The following GALNT16 variants were observed in gnomAD, a reference collection of about 807,000 sequenced individuals.
The protein encoded by GALNT16 is polypeptide N-acetylgalactosaminyltransferase 16.
GALNT16 carries 40 observed loss-of-function variants against 76.1 expected under a neutral mutation model. The ratio of observed to expected loss-of-function variants is 0.53; its 90% CI spans 0.41 to 0.68. The LOEUF is 0.68. Ranked by LOEUF, GALNT16 falls within the 30% of genes least tolerant of loss-of-function variation. The pLI, the probability that GALNT16 is intolerant of heterozygous loss-of-function variation, is 0.00. For synonymous variants in GALNT16, 276 were observed against 285.2 expected (o/e 0.97, Z 0.32); for missense variants, 621 against 731.9 (o/e 0.85, Z 1.75).
rs1239622713 is a variant in GALNT16, at chr14:69,285,038, C to CTTT, written c.177+24572_177+24573insTTT. Among the ~76,000 whole-genome samples, 1,271 of 130,318 alleles carry CTTT rather than the reference C, an allele frequency of 9.8e-3. 86 individuals carry two copies. Among genetic ancestry groups the CTTT allele is most frequent in the African/African-American group, 0.013 (476 of 35,688 alleles). 85.5% of individuals were successfully genotyped at this position (130,318 alleles called of 152,430 possible). A position where few individuals can be genotyped will look rare whatever the true frequency, so the allele number is the denominator to read the frequency against. ...TTTATATGTTACCCAGTCTCGGGCA[C>CTTT]TCTTTTTTTTTTTTTTTTTTGAGAC... On this transcript the variant is annotated intron_variant, in intron 1 of 14. Transcript: ENST00000448469.
chr14:69,322,138 C>T (rs552237097), intron 2 of GALNT16, among the ~76,000 whole-genome samples: 20 of 152,342 alleles, frequency 1.3e-4, no homozygotes, highest in East Asian at 9.6e-4. Flanking sequence ...TGTCCTGTAA[C>T]GCCAGCACTG....
intron 1 of GALNT16, among the ~76,000 whole-genome samples, chr14:69,285,333 T>C (rs1442907999): frequency 6.6e-6 from 1 of 152,126 alleles, no homozygotes; most frequent in African/African-American, 2.4e-5. Flanking sequence ...CTGGGGCAGT[T>C]CTTTATAGCA....
At chr14:69,303,690 A>T (rs2044886971) in intron 1 of GALNT16, among the ~76,000 whole-genome samples, 1 of 152,176 alleles carries the variant, frequency 6.6e-6, no homozygotes, top group African/African-American at 2.4e-5. Context: ...AGTTTTCAGT[A>T]TACCCTTCCT....
Position 69,326,033 on chromosome 14 carries a change from T to A in GALNT16, c.568+6T>A. On this transcript the variant is annotated splice_donor_region_variant and intron_variant, in intron 5 of 14. Coordinates refer to ENST00000448469, the MANE Select transcript of GALNT16 (RefSeq NM_001168368.2). ...GCGCAATGATCGGCGGGAAGGTGAG[T>A]CCTTGCACCCTGGGTCCCACCAAGG... The A allele has an allele frequency of 6.2e-7, 1 of 1,611,218 alleles. No individual in the cohort carries two copies. The highest frequency in any genetic ancestry group is 8.5e-7 in the Non-Finnish European group (1 of 1,177,636).
In GALNT16 at chr14:69,261,352, G is replaced by T. The variant is rs1283536944; in HGVS notation, c.177+885G>T. 6.6e-6 allele frequency among the ~76,000 whole-genome samples: 1 copy of T among 152,202 alleles called. No homozygotes were observed. On this transcript the variant is annotated intron_variant, in intron 1 of 14. Transcript: ENST00000448469. This position sits in a 1 kb window ranked among gnomAD's most constrained non-coding sequence, Gnocchi z 6.4. Reference sequence around the variant, plus strand: ...CAGGTGACAGAGCTGTGCGTGGCCAGGCAGGGGCACCTGTTGAGGCGGGAG... The same window carrying T: ...CAGGTGACAGAGCTGTGCGTGGCCATGCAGGGGCACCTGTTGAGGCGGGAG...
At chr14:69,302,920 T>G (rs530477541) in intron 1 of GALNT16, among the ~76,000 whole-genome samples, 1 of 152,326 alleles carries the variant, frequency 6.6e-6, no homozygotes, top group East Asian at 1.9e-4. Flanking sequence ...AAATTTTAAT[T>G]TAACTGGGTA....
At chr14:69,310,054 G>T (rs1245073664) in intron 1 of GALNT16, among the ~76,000 whole-genome samples, 1 of 152,064 alleles carries the variant, frequency 6.6e-6, no homozygotes, top group Non-Finnish European at 1.5e-5. Context: ...ACTGCCATTT[G>T]AAGTACAAGT....
the GALNT16 span, among the ~76,000 whole-genome samples, chr14:69,373,149 C>G: frequency 1.3e-5 from 2 of 152,354 alleles, no homozygotes; most frequent in East Asian, 3.9e-4. Flanking sequence ...CTCAACTATA[C>G]TCTTTTTCTC....
At position 69,341,772 on chromosome 14, in the gene GALNT16, C is replaced by T. The variant is rs1171968057; in HGVS notation, c.1271+8C>T. ...CGTCTACCCAGAGCTCACGTGAGTG[C>T]AGCCCTCATCTTGTGCATCCCCCAG... On this transcript the variant is annotated splice_region_variant and intron_variant, in intron 12 of 14. Coordinates refer to ENST00000448469, the MANE Select transcript of GALNT16 (RefSeq NM_001168368.2). 2.5e-6 allele frequency: 4 copies of T among 1,600,076 alleles called. No homozygotes were observed. The highest frequency in any genetic ancestry group is 1.1e-5 in the South Asian group (1 of 90,278).
chr14:69,380,514 AC>A, the GALNT16 span: 183 of 1,218,442 alleles, frequency 1.5e-4, 2 homozygotes, highest in South Asian at 1.1e-3. Flanking sequence ...GCCCACCCCA[AC>A]CCCCCCAGTG....
At chr14:69,339,698 C>T (rs562472160) in intron 11 of GALNT16, 79 bp downstream of exon 11, 37 of 857,010 alleles carry the variant, frequency 4.3e-5, no homozygotes, top group Non-Finnish European at 5.4e-5. Flanking sequence ...GTGGTATGTA[C>T]GCCAGGGAAC....
chr14:69,324,861 C>A, intron 3 of GALNT16, 71 bp downstream of exon 3: 1 of 997,214 alleles, frequency 1.0e-6, no homozygotes, highest in South Asian at 1.7e-5. Flanking sequence ...GGCGCTGTGG[C>A]CAGACAGCTT....
the GALNT16 span, among the ~76,000 whole-genome samples, chr14:69,367,123 G>A: frequency 3.9e-5 from 6 of 152,148 alleles, no homozygotes; most frequent in Non-Finnish European, 8.8e-5. Context: ...AGTGTGGTCC[G>A]TACAGGGAAC....
chr14:69,260,075 G>T (rs1375890789), upstream of GALNT16: 5 of 498,930 alleles, frequency 1.0e-5, no homozygotes, highest in South Asian at 9.9e-5. Context: ...GGACGCGCGC[G>T]CTCGGGGCTG....
chr14:69,313,229 G>A (rs1416360048), intron 1 of GALNT16, among the ~76,000 whole-genome samples: 1 of 152,224 alleles, frequency 6.6e-6, no homozygotes, highest in Non-Finnish European at 1.5e-5. Flanking sequence ...TAGGGCTTTT[G>A]TACCCTTCAC....
At chr14:69,364,932 C>T in the GALNT16 span, among the ~76,000 whole-genome samples, 1 of 152,082 alleles carries the variant, frequency 6.6e-6, no homozygotes, top group Non-Finnish European at 1.5e-5. The surrounding 1 kb of genome is among the most constrained non-coding windows in gnomAD (Gnocchi z 4.2). Flanking sequence ...TCAGGGTAGA[C>T]ACTATTATGA....
At chr14:69,351,967 C>A in intron 14 of GALNT16, 64 bp from the exon 15 acceptor site, 1 of 1,471,578 alleles carries the variant, frequency 6.8e-7, no homozygotes. Context: ...AATGAAAGTA[C>A]AACATTATTT....
intron 14 of GALNT16, chr14:69,348,280 C>G: frequency 5.2e-6 from 3 of 575,130 alleles, no homozygotes; most frequent in East Asian, 2.9e-5. Context: ...ATCCCTAGCT[C>G]CTGACAACCA....
At chr14:69,260,818 C>T (rs2044257564) in intron 1 of GALNT16, among the ~76,000 whole-genome samples, 1 of 151,996 alleles carries the variant, frequency 6.6e-6, no homozygotes, top group African/African-American at 2.4e-5. Flanking sequence ...CCCCGGAAGG[C>T]TGCCGGGCCC....
Sources: allele counts gnomAD v4.1 joint callset (sites outside exome capture counted in the v4.1 genomes callset), GRCh38; gene constraint gnomAD v4.1.1; non-coding constraint Gnocchi (gnomAD v3.1); transcripts MANE v1.5; gene names NCBI Gene and HGNC (gene_info 2026-07-23, HGNC 2026-07-21).